USP34: variants seen among roughly 807,000 people sequenced by gnomAD.
USP34 encodes the protein ubiquitin carboxyl-terminal hydrolase 34.
Under a neutral mutation model 460.3 loss-of-function variants are expected in USP34, and 70 were observed. The ratio of observed to expected loss-of-function variants is 0.15; its 90% CI spans 0.13 to 0.19. The LOEUF (loss-of-function observed/expected upper bound fraction) is 0.19, where lower values mean the gene tolerates loss of function less well. Among genes scored for constraint, USP34 ranks in the 10% least tolerant of loss-of-function variants. The probability of loss-of-function intolerance (pLI) is 1.00; values close to 1 mark genes in which losing one functional copy is unlikely to be tolerated. For missense variants in USP34, 3,985 were observed against 4,236.2 expected (o/e 0.94, Z 1.65); for synonymous variants, 1,647 against 1,405.3 (o/e 1.17, Z -3.85).
chr2:61,191,928 T>C (rs779116864), intron 76 of USP34, among the ~76,000 whole-genome samples: 1 of 152,224 alleles, frequency 6.6e-6, no homozygotes, highest in South Asian at 2.1e-4. Flanking sequence ...CTAAGATCAG[T>C]GTATACTAGC....
intron 72 of USP34, 39 bp downstream of exon 72, chr2:61,205,976 CCA>C (rs1395702235): frequency 6.9e-7 from 1 of 1,440,338 alleles, no homozygotes; most frequent in Non-Finnish European, 9.8e-7. Flanking sequence ...CAATGTTCTT[CCA>C]CTAGGTTTTT....
At chr2:61,191,927 G>A (rs1412952787) in intron 76 of USP34, among the ~76,000 whole-genome samples, 1 of 152,246 alleles carries the variant, frequency 6.6e-6, no homozygotes, top group Non-Finnish European at 1.5e-5. Flanking sequence ...GCTAAGATCA[G>A]TGTATACTAG....
chr2:61,223,187 A>C, intron 63 of USP34, 23 bp from the exon 64 acceptor site: 1 of 1,613,062 alleles, frequency 6.2e-7, no homozygotes, highest in Non-Finnish European at 8.5e-7. Context: ...AAAGTTGTTC[A>C]TTTAAGAACC....
intron 57 of USP34, among the ~76,000 whole-genome samples, chr2:61,234,467 C>T (rs1010976119): frequency 1.3e-5 from 2 of 152,170 alleles, no homozygotes; most frequent in East Asian, 1.9e-4. Context: ...ATAAACTGAT[C>T]TACTGAGACA....
chr2:61,355,269 T>C (rs1468110691), intron 10 of USP34, among the ~76,000 whole-genome samples: 9 of 152,176 alleles, frequency 5.9e-5, no homozygotes, highest in Admixed American at 2.0e-4. Flanking sequence ...GTCCTTCCAG[T>C]TGAAATGAAA....
intron 20 of USP34, among the ~76,000 whole-genome samples, chr2:61,326,927 G>GTGCA (rs1691110838): frequency 6.6e-6 from 1 of 151,856 alleles, no homozygotes; most frequent in Non-Finnish European, 1.5e-5. Flanking sequence ...GGGATTACAG[G>GTGCA]TGCATGCCTC....
chr2:61,443,287 A>G (rs1002327804), intron 1 of USP34, among the ~76,000 whole-genome samples: 1 of 152,146 alleles, frequency 6.6e-6, no homozygotes, highest in Non-Finnish European at 1.5e-5. Context: ...CAAAGAGGCC[A>G]CAGAAGGTTC....
intron 2 of USP34, among the ~76,000 whole-genome samples, chr2:61,418,794 G>A (rs183037487): frequency 6.6e-6 from 1 of 152,246 alleles, no homozygotes; most frequent in East Asian, 1.9e-4. Context: ...GCACAATTAA[G>A]AGTATGCACA....
chr2:61,241,616 G>T lies in USP34; in HGVS notation c.6721C>A (p.Pro2241Thr). 6.2e-7 allele frequency: 1 copy of T among 1,608,876 alleles called. No individual in the cohort carries two copies. Among genetic ancestry groups the T allele is most frequent in the Non-Finnish European group, 8.5e-7 (1 of 1,178,438 alleles). The change falls in exon 53 of 80, where the codon CCA becomes ACA. Residue 2241 changes from proline to threonine, a missense_variant. Coordinates refer to ENST00000398571, the MANE Select transcript of USP34 (RefSeq NM_014709.4). ...TATTCTCTGCCATTTTCTTCCTCTGGTTCCATGCGTTTGTAAAACAGCATA... is the reference window on the plus strand; with the variant it reads ...TATTCTCTGCCATTTTCTTCCTCTGTTTCCATGCGTTTGTAAAACAGCATA... ...AYMLFYKRME[P>T]EEENGREYKF...
chr2:61,283,610 A>AGT (rs745609214), intron 35 of USP34, among the ~76,000 whole-genome samples, 161 bp from the exon 36 acceptor site: 65 of 151,310 alleles, frequency 4.3e-4, no homozygotes, highest in Admixed American at 7.9e-4. Context: ...AGAGAGTGTG[A>AGT]GTGTGTGTGT....
intron 75 of USP34, among the ~76,000 whole-genome samples, chr2:61,201,872 G>A (rs1160041300): frequency 6.6e-6 from 1 of 152,164 alleles, no homozygotes; most frequent in African/African-American, 2.4e-5. Flanking sequence ...ATGGGAGCAA[G>A]GCTGTACTAC....
chr2:61,470,923 C>A lies in USP34; in HGVS notation c.-231G>T, dbSNP rs1695942022. On this transcript the variant is annotated 5_prime_UTR_variant, in exon 1 of 80. Coordinates refer to ENST00000398571, the MANE Select transcript of USP34 (RefSeq NM_014709.4). Reference sequence around the variant, plus strand: ...GGGGAGCGAGGGGAGGTGCGCAGGCCGGAGGGGCGCCGAGGCGCCGGCGGC... The same window carrying A: ...GGGGAGCGAGGGGAGGTGCGCAGGCAGGAGGGGCGCCGAGGCGCCGGCGGC... 7.8e-6 allele frequency among the ~76,000 whole-genome samples: 1 copy of A among 128,598 alleles called. No homozygotes were observed. Among genetic ancestry groups the A allele is most frequent in the Non-Finnish European group, 1.6e-5 (1 of 61,478 alleles). 84.4% of individuals were successfully genotyped at this position (128,598 alleles called of 152,430 possible).
Position 61,300,808 on chromosome 2 carries a change from C to A in USP34, c.4128+143G>T, listed in dbSNP as rs895822221. ...GAGATGCCGTCTCAAAAAAAGAAAA[C>A]AAAAAAAAAATGAACAAAAAAAAAA... On this transcript the variant is annotated intron_variant, in intron 29 of 79. Coordinates refer to ENST00000398571, the MANE Select transcript of USP34 (RefSeq NM_014709.4). The A allele has an allele frequency of 2.4e-3, 1,112 of 454,640 alleles. 2 individuals are homozygous for A. In the African/African-American group the frequency reaches 0.027, roughly 11 times the overall value. 28.2% of individuals were successfully genotyped at this position (454,640 alleles called of 1,614,324 possible). A position where few individuals can be genotyped will look rare whatever the true frequency, so the allele number is the denominator to read the frequency against.
At chr2:61,431,777 C>T (rs968068400) in intron 1 of USP34, among the ~76,000 whole-genome samples, 1 of 152,018 alleles carries the variant, frequency 6.6e-6, no homozygotes, top group Non-Finnish European at 1.5e-5. Flanking sequence ...TCACTTGAAC[C>T]CGGGAGGCGG....
intron 32 of USP34, among the ~76,000 whole-genome samples, chr2:61,294,543 T>G (rs1331183016): frequency 6.6e-6 from 1 of 151,976 alleles, no homozygotes; most frequent in African/African-American, 2.4e-5. Context: ...CTCAGCCACC[T>G]GGGTAGCTGG....
intron 49 of USP34, among the ~76,000 whole-genome samples, chr2:61,247,106 C>T (rs889295146): frequency 1.3e-5 from 2 of 152,060 alleles, no homozygotes. Flanking sequence ...GGTACACTTC[C>T]TATCCCCAAA....
rs546685627 is a variant in USP34 at position 61,363,484 on chromosome 2, A to G, written c.1251+6837T>C. Among the ~76,000 whole-genome samples the G allele has an allele frequency of 7.2e-5, 11 of 152,338 alleles. No homozygotes were observed. In the East Asian group the frequency reaches 2.1e-3, roughly 29 times the overall value. On this transcript the variant is annotated intron_variant, in intron 10 of 79. Coordinates refer to ENST00000398571, the MANE Select transcript of USP34 (RefSeq NM_014709.4). ...ACACCTAGGCTATATGCTATAGTTT[A>G]CTGCTCCTGTATAGCATGTTACTGT...
chr2:61,235,284 T>C (rs939606190), intron 57 of USP34, among the ~76,000 whole-genome samples: 7 of 151,854 alleles, frequency 4.6e-5, no homozygotes, highest in East Asian at 1.9e-4. Context: ...TTTCTATACA[T>C]AGTTTTCCTT....
intron 10 of USP34, among the ~76,000 whole-genome samples, chr2:61,367,135 C>G (rs971956244): frequency 6.6e-6 from 1 of 152,148 alleles, no homozygotes; most frequent in South Asian, 2.1e-4. Context: ...CTCCTAGTAA[C>G]AGTTCCTGAA....
Sources: allele counts gnomAD v4.1 joint callset (sites outside exome capture counted in the v4.1 genomes callset), GRCh38; gene constraint gnomAD v4.1.1; transcripts MANE v1.5; gene names NCBI Gene and HGNC (gene_info 2026-07-23, HGNC 2026-07-21).